Variants in MIPEP observed in about 807,000 individuals in gnomAD.
MIPEP encodes the protein mitochondrial intermediate peptidase.
In MIPEP, 79 loss-of-function variants were observed where a neutral mutation model predicts 90.3. That is an observed-to-expected ratio of 0.87 (90% CI 0.73 to 1.05). The LOEUF is 1.05. MIPEP is among the 50% of genes least tolerant of loss of function. The pLI is 0.00. For missense variants in MIPEP, 940 were observed against 905.6 expected (o/e 1.04, Z -0.49); for synonymous variants, 334 against 315.8 (o/e 1.06, Z -0.61).
chr13:23,765,401 C>G (rs1952583005), intron 16 of MIPEP, among the ~76,000 whole-genome samples: 1 of 152,164 alleles, frequency 6.6e-6, no homozygotes, highest in Non-Finnish European at 1.5e-5. Flanking sequence ...TATTACAGTA[C>G]ATAAGTTGTC....
Position 23,869,273 on chromosome 13 carries a change from G to T in MIPEP, c.943+19C>A. On this transcript the variant is annotated intron_variant, in intron 7 of 18. Coordinates refer to ENST00000382172, the MANE Select transcript of MIPEP (RefSeq NM_005932.4). ...TAAAAATCCTATTTTGCCCTTAAAT[G>T]TTGGATAAACAGGCTTACCTGGATT... The T allele has an allele frequency of 6.4e-7, 1 of 1,557,816 alleles. No homozygotes were observed. Among genetic ancestry groups the T allele is most frequent in the Non-Finnish European group, 8.6e-7 (1 of 1,156,770 alleles).
intron 10 of MIPEP, among the ~76,000 whole-genome samples, chr13:23,849,443 GAAGT>G (rs1180521902): frequency 6.6e-6 from 1 of 152,198 alleles, no homozygotes; most frequent in Non-Finnish European, 1.5e-5. Context: ...TCTGGACCCA[GAAGT>G]AAGGGATCTC....
At chr13:23,805,595 TTC>T (rs1353266731) in intron 16 of MIPEP, among the ~76,000 whole-genome samples, 2 of 152,208 alleles carry the variant, frequency 1.3e-5, no homozygotes, top group African/African-American at 4.8e-5. Context: ...TACATGTTAA[TTC>T]TCTTTGCAAT....
intron 18 of MIPEP, among the ~76,000 whole-genome samples, chr13:23,752,615 A>G (rs4770489): frequency 0.33 from 50,900 of 152,036 alleles, 8,771 homozygotes; most frequent in South Asian, 0.48. Flanking sequence ...TTACTCAGAA[A>G]TGTGATTTAA....
At chr13:23,776,592 CAT>C (rs1329033500) in intron 16 of MIPEP, among the ~76,000 whole-genome samples, 1 of 152,152 alleles carries the variant, frequency 6.6e-6, no homozygotes, top group African/African-American at 2.4e-5. Context: ...AATTAACACA[CAT>C]GAGGAGAAGT....
chr13:23,757,227 G>T (rs1241731457), intron 17 of MIPEP, among the ~76,000 whole-genome samples: 1 of 151,912 alleles, frequency 6.6e-6, no homozygotes, highest in Non-Finnish European at 1.5e-5. Flanking sequence ...CCTTGTGAGA[G>T]GATCATAAGG....
intron 7 of MIPEP, among the ~76,000 whole-genome samples, chr13:23,865,238 A>T (rs1169515942): frequency 6.6e-6 from 1 of 152,218 alleles, no homozygotes; most frequent in Non-Finnish European, 1.5e-5. Context: ...ATTTTAGTTC[A>T]CCACAAACAC....
intron 16 of MIPEP, among the ~76,000 whole-genome samples, chr13:23,783,463 A>G (rs1341642273): frequency 6.6e-6 from 1 of 152,216 alleles, no homozygotes; most frequent in African/African-American, 2.4e-5. Context: ...AAATAATAAG[A>G]GCTATTCATG....
At chr13:23,767,440 G>T (rs1405521946) in intron 16 of MIPEP, among the ~76,000 whole-genome samples, 1 of 148,712 alleles carries the variant, frequency 6.7e-6, no homozygotes, top group African/African-American at 2.4e-5. Flanking sequence ...TGTTTGAAGG[G>T]CAGTATCTTT....
intron 10 of MIPEP, among the ~76,000 whole-genome samples, chr13:23,857,306 G>C (rs992856577): frequency 2.0e-5 from 3 of 152,056 alleles, no homozygotes. Flanking sequence ...CAGTTTATGT[G>C]TTTTCACTAA....
chr13:23,812,410 G>C (rs554351629), intron 14 of MIPEP, among the ~76,000 whole-genome samples: 1 of 152,166 alleles, frequency 6.6e-6, no homozygotes, highest in South Asian at 2.1e-4. Flanking sequence ...GCCAGCAGAG[G>C]ACAGGAAAGG....
In MIPEP at chr13:23,858,866, G is replaced by A; in HGVS notation, c.1100C>T (p.Ala367Val). 2 of 1,613,284 alleles carry A rather than the reference G, an allele frequency of 1.2e-6. No individual in the cohort carries two copies. The highest frequency in any genetic ancestry group is 1.7e-6 in the Non-Finnish European group (2 of 1,179,432). The change falls in exon 10 of 19, where the codon GCA (alanine) becomes GTA (valine). Residue 367 changes from alanine (A) to valine (V), a missense_variant. Ala to Val is a moderately conservative substitution (Grantham distance 64). Coordinates refer to ENST00000382172, the MANE Select transcript of MIPEP (RefSeq NM_005932.4). Reference sequence around the variant, plus strand: ...TATTTCTTGAAAAACTTACCTTTCTGCACGAATCACACCACTGTAGTAAGG... The same window carrying A: ...TATTTCTTGAAAAACTTACCTTTCTACACGAATCACACCACTGTAGTAAGG... ...DPPYYSGVIR[A>V]ERYNIEPSLY... is the part of the protein sequence containing the mutation.
At chr13:23,846,521 A>C (rs943616746) in intron 10 of MIPEP, among the ~76,000 whole-genome samples, 1 of 152,224 alleles carries the variant, frequency 6.6e-6, no homozygotes. Context: ...TTGCATATAC[A>C]TAATGAGATA....
chr13:23,845,252 G>A (rs1027475216), intron 10 of MIPEP, among the ~76,000 whole-genome samples: 2 of 151,972 alleles, frequency 1.3e-5, no homozygotes, highest in Non-Finnish European at 2.9e-5. Flanking sequence ...TTTCTTTCAT[G>A]GGTGTAGTCA....
chr13:23,730,322 G>A lies in MIPEP; in HGVS notation c.*26C>T, dbSNP rs764083899. On this transcript the variant is annotated 3_prime_UTR_variant, in exon 19 of 19. Coordinates refer to ENST00000382172, the MANE Select transcript of MIPEP (RefSeq NM_005932.4). ...ACAAAGTCATTATCTACATGACCTTGATTTAAGAGGTGTAGAGTGTTTCTT... is the reference window on the plus strand; with the variant it reads ...ACAAAGTCATTATCTACATGACCTTAATTTAAGAGGTGTAGAGTGTTTCTT... 50 of 1,450,428 alleles carry A rather than the reference G, an allele frequency of 3.4e-5. No homozygotes were observed. Among genetic ancestry groups the A allele is most frequent in the Non-Finnish European group, 4.6e-5 (48 of 1,037,080 alleles). 89.8% of individuals were successfully genotyped at this position (1,450,428 alleles called of 1,614,324 possible).
intron 16 of MIPEP, among the ~76,000 whole-genome samples, chr13:23,789,672 T>C (rs1287467460): frequency 1.3e-5 from 2 of 152,218 alleles, no homozygotes; most frequent in African/African-American, 2.4e-5. Context: ...TACTTCTATT[T>C]GGCAAGCTAA....
At position 23,760,191 on chromosome 13, in the gene MIPEP, G is replaced by A. The variant is rs1480142823; in HGVS notation, c.1875C>T (p.Leu625=). The A allele has an allele frequency of 8.1e-6, 13 of 1,614,046 alleles. No homozygotes were observed. Among genetic ancestry groups the A allele is most frequent in the Non-Finnish European group, 7.6e-6 (9 of 1,180,004 alleles). The change falls in exon 17 of 19, where the codon CTC becomes CTT. Residue 625 remains leucine, a synonymous_variant. Transcript: ENST00000382172. ...NTAWQLRFSH[L]VGYGARYYSY... is the part of the protein sequence containing the mutation. ...AGTAATATCTAGCACCATACCCCAC[G>A]AGGTGGCTGAATCGCAGCTGCCAGG...
chr13:23,819,655 T>C lies in MIPEP; in HGVS notation c.1654-9731A>G, dbSNP rs867650655. On this transcript the variant is annotated intron_variant, in intron 14 of 18. Transcript: ENST00000382172. ...TTAGATAGAGAACTATAAATCTCTATGTGTTATATACATTTGGTCTGAAAT... is the reference window on the plus strand; with the variant it reads ...TTAGATAGAGAACTATAAATCTCTACGTGTTATATACATTTGGTCTGAAAT... Among the ~76,000 whole-genome samples the C allele has an allele frequency of 1.2e-4, 18 of 152,262 alleles. No individual in the cohort carries two copies. The Middle Eastern group carries it at 0.014, about 115-fold the overall frequency.
intron 10 of MIPEP, among the ~76,000 whole-genome samples, chr13:23,846,368 G>A (rs1239929784): frequency 2.0e-5 from 3 of 152,246 alleles, no homozygotes; most frequent in East Asian, 3.9e-4. Context: ...AGATTATTCT[G>A]GCAGTGACAT....
Sources: allele counts gnomAD v4.1 joint callset (sites outside exome capture counted in the v4.1 genomes callset), GRCh38; gene constraint gnomAD v4.1.1; transcripts MANE v1.5; gene names NCBI Gene and HGNC (gene_info 2026-07-23, HGNC 2026-07-21).